The following PDE4DIP variants were observed in gnomAD, a reference collection of about 807,000 sequenced individuals.
PDE4DIP encodes myomegalin.
Under a neutral mutation model 221.4 loss-of-function variants are expected in PDE4DIP, and 59 were observed. The observed-to-expected ratio is 0.27, with a 90% CI of 0.22 to 0.33. The LOEUF is 0.33. Among genes scored for constraint, PDE4DIP ranks in the 10% least tolerant of loss-of-function variants. PDE4DIP has a pLI of 1.00. For missense variants in PDE4DIP, 1,036 were observed against 2,154.2 expected (o/e 0.48, Z 10.28); for synonymous variants, 404 against 815.9 (o/e 0.50, Z 8.60).
chr1:148,949,592 A>C (rs7547039), intron 5 of PDE4DIP, among the ~76,000 whole-genome samples: 80 of 152,374 alleles, frequency 5.3e-4, no homozygotes, highest in Middle Eastern at 3.4e-3. Context: ...ATAGGTAACC[A>C]GTTCAACTGC....
At chr1:148,996,853 C>A (rs1337694985) in intron 22 of PDE4DIP, among the ~76,000 whole-genome samples, 1 of 152,168 alleles carries the variant, frequency 6.6e-6, no homozygotes, top group Non-Finnish European at 1.5e-5. Context: ...TATCCCCAAT[C>A]ACTTGTAGTG....
At chr1:149,023,914 C>T (rs1449319664) in intron 37 of PDE4DIP, among the ~76,000 whole-genome samples, 1 of 143,274 alleles carries the variant, frequency 7.0e-6, no homozygotes, top group Non-Finnish European at 1.5e-5. Flanking sequence ...TATATATGTA[C>T]ACACACACAC....
intron 2 of PDE4DIP, chr1:148,929,727 G>T (rs1553468264): frequency 6.5e-6 from 1 of 153,992 alleles, no homozygotes; most frequent in Admixed American, 6.4e-5. Flanking sequence ...AATAAAAAAG[G>T]AGGATTTCCT....
chr1:148,960,735 C>T (rs1553508598), exon 6 of PDE4DIP: 2 of 535,080 alleles, frequency 3.7e-6, no homozygotes, highest in Non-Finnish European at 6.5e-6. Flanking sequence ...ATCTGATTCC[C>T]ACTTGGCAGA....
intron 23 of PDE4DIP, among the ~76,000 whole-genome samples, chr1:148,999,548 C>A (rs1438510364): frequency 2.0e-5 from 3 of 152,158 alleles, no homozygotes; most frequent in Non-Finnish European, 2.9e-5. Flanking sequence ...CTTTGTCAAA[C>A]AATTTTTAAA....
intron 3 of PDE4DIP, among the ~76,000 whole-genome samples, chr1:148,882,058 T>A (rs587756652): frequency 5.7e-5 from 7 of 122,536 alleles, no homozygotes; most frequent in Middle Eastern, 3.8e-3. Context: ...ATTAAACTTT[T>A]ATTTGTATAA....
At chr1:149,000,192 C>T (rs1481894894) in intron 23 of PDE4DIP, among the ~76,000 whole-genome samples, 1 of 152,172 alleles carries the variant, frequency 6.6e-6, no homozygotes, top group Non-Finnish European at 1.5e-5. Context: ...ACTGCTGATC[C>T]TTCAAGTTGT....
chr1:148,889,136 C>G (rs587771114), upstream of PDE4DIP, among the ~76,000 whole-genome samples: 34 of 152,250 alleles, frequency 2.2e-4, no homozygotes, highest in Admixed American at 9.2e-4. Context: ...TTGCACTGGA[C>G]AGAAAGGGGA....
At chr1:148,925,705 C>CA (rs1283870597) in intron 1 of PDE4DIP, among the ~76,000 whole-genome samples, 1 of 151,532 alleles carries the variant, frequency 6.6e-6, no homozygotes, top group African/African-American at 2.4e-5. Context: ...CAGCTGTGTG[C>CA]AAGGCATTGT....
intron 21 of PDE4DIP, chr1:148,982,474 A>T (rs2061282276): frequency 6.6e-6 from 1 of 152,212 alleles, no homozygotes; most frequent in Non-Finnish European, 1.5e-5. Flanking sequence ...AATGTTACAG[A>T]TGTATGTTTA....
At chr1:148,917,243 A>G (rs1159476247) in intron 1 of PDE4DIP, among the ~76,000 whole-genome samples, 1 of 151,866 alleles carries the variant, frequency 6.6e-6, no homozygotes, top group Non-Finnish European at 1.5e-5. Flanking sequence ...TAGGGAATGA[A>G]TAGCTCATGA....
chr1:148,997,873 T>G (rs1215379031), intron 22 of PDE4DIP, among the ~76,000 whole-genome samples: 1 of 152,300 alleles, frequency 6.6e-6, no homozygotes, highest in Non-Finnish European at 1.5e-5. Context: ...TGCATTTGTT[T>G]TAATTTCTTA....
chr1:148,988,237 C>T (rs587649762), intron 21 of PDE4DIP, among the ~76,000 whole-genome samples: 1 of 151,440 alleles, frequency 6.6e-6, no homozygotes, highest in East Asian at 1.9e-4. Context: ...TCAACTTTCT[C>T]AGTCTTCAAC....
At chr1:148,931,651 A>G in intron 2 of PDE4DIP, 149 bp from the exon 6 acceptor site, 1 of 887,736 alleles carries the variant, frequency 1.1e-6, no homozygotes, top group South Asian at 1.4e-5. Flanking sequence ...CTGCATAGAA[A>G]TGGGAATGCT....
intron 5 of PDE4DIP, among the ~76,000 whole-genome samples, chr1:148,947,164 AC>A (rs1240520164): frequency 2.0e-5 from 3 of 152,214 alleles, no homozygotes; most frequent in African/African-American, 7.2e-5. Context: ...TTACTTAACA[AC>A]CTATGCGTAT....
chr1:149,021,394 C>A, intron 37 of PDE4DIP: 1 of 463,976 alleles, frequency 2.2e-6, no homozygotes, highest in Non-Finnish European at 3.8e-6. Flanking sequence ...TCTAGACATT[C>A]CTATCAATGT....
intron 32 of PDE4DIP, among the ~76,000 whole-genome samples, chr1:149,015,818 T>C (rs2070337350): frequency 6.6e-6 from 1 of 152,070 alleles, no homozygotes; most frequent in Non-Finnish European, 1.5e-5. Context: ...ATGTCCCCTT[T>C]CTCTTCTGAA....
chr1:148,823,692 T>C (rs1341130652), intron 1 of PDE4DIP, among the ~76,000 whole-genome samples: 1 of 150,630 alleles, frequency 6.6e-6, no homozygotes, highest in Non-Finnish European at 1.5e-5. Flanking sequence ...AACCTTGACT[T>C]TGAAATCTCC....
chr1:148,950,474 C>G (rs1258933240), intron 5 of PDE4DIP, among the ~76,000 whole-genome samples: 4 of 152,284 alleles, frequency 2.6e-5, no homozygotes, highest in African/African-American at 4.8e-5. Flanking sequence ...TTAGGCCATT[C>G]TTGCATTGCT....
Sources: allele counts gnomAD v4.1 joint callset (sites outside exome capture counted in the v4.1 genomes callset), GRCh38; gene constraint gnomAD v4.1.1; transcripts MANE v1.5; gene names NCBI Gene and HGNC (gene_info 2026-07-23, HGNC 2026-07-21).